The following CLEC16A variants were observed in gnomAD, a reference collection of about 807,000 sequenced individuals.
CLEC16A encodes the protein C-type lectin domain containing 16A.
Under a neutral mutation model 109.5 loss-of-function variants are expected in CLEC16A, and 51 were observed. The observed-to-expected ratio is 0.47, with a 90% CI of 0.37 to 0.59. The LOEUF is 0.59. Ranked by LOEUF, CLEC16A falls within the 20% of genes least tolerant of loss-of-function variation. The pLI, the probability that CLEC16A is intolerant of heterozygous loss-of-function variation, is 0.00. For missense variants in CLEC16A, 1,339 were observed against 1,394.0 expected (o/e 0.96, Z 0.63); for synonymous variants, 673 against 564.2 (o/e 1.19, Z -2.73).
Position 10,982,910 on chromosome 16 carries a change from G to T in CLEC16A, c.990G>T (p.Val330=). 10 of 1,611,536 alleles carry T rather than the reference G, an allele frequency of 6.2e-6. No homozygotes were observed. Among genetic ancestry groups the T allele is most frequent in the Non-Finnish European group, 8.5e-6 (10 of 1,177,720 alleles). The change falls in exon 10 of 24, where the codon GTG becomes GTT. Residue 330 remains valine (V), a synonymous_variant. Coordinates refer to ENST00000409790, the MANE Select transcript of CLEC16A (RefSeq NM_015226.3). ...TAATTATACATCATGCACCGCTGGT[G>T]AACTCGTTAGCTGAAGTCATTCTGA... ...VFLIIHHAPL[V]NSLAEVILNG...
intron 20 of CLEC16A, among the ~76,000 whole-genome samples, chr16:11,122,153 G>A (rs1195269696): frequency 6.6e-6 from 1 of 152,148 alleles, no homozygotes; most frequent in African/African-American, 2.4e-5. Context: ...AGCCTGACCT[G>A]CTGTCTGTGT....
At chr16:11,160,099 C>A (rs2054669221) in intron 22 of CLEC16A, among the ~76,000 whole-genome samples, 2 of 152,156 alleles carry the variant, frequency 1.3e-5, no homozygotes, top group Admixed American at 6.5e-5. Context: ...AGGTAGTTTT[C>A]ACATCTTCCA....
chr16:10,993,908 G>A (rs1341445340), intron 10 of CLEC16A, among the ~76,000 whole-genome samples: 2 of 152,220 alleles, frequency 1.3e-5, no homozygotes, highest in Non-Finnish European at 2.9e-5. Context: ...AAGGTGACCT[G>A]GGATGGGGAA....
Position 11,178,942 on chromosome 16 carries a change from G to T in CLEC16A, c.*252G>T, listed in dbSNP as rs1232371431. 4.7e-6 allele frequency: 2 copies of T among 429,808 alleles called. No homozygotes were observed. Among genetic ancestry groups the T allele is most frequent in the Non-Finnish European group, 8.2e-6 (2 of 243,952 alleles). 26.6% of individuals were successfully genotyped at this position (429,808 alleles called of 1,614,324 possible). ...CGCGGCGAATGCAGATGACTGCACC[G>T]GCCACTCAGGGAGCTGCCTGGGCTC... is the stretch of plus-strand genomic sequence containing the variant. On this transcript the variant is annotated 3_prime_UTR_variant, in exon 24 of 24. Coordinates refer to ENST00000409790, the MANE Select transcript of CLEC16A (RefSeq NM_015226.3). This position sits in a 1 kb window ranked among gnomAD's most constrained non-coding sequence, Gnocchi z 6.5.
At chr16:11,040,042 G>T in intron 14 of CLEC16A, 166 bp downstream of exon 14, 1 of 785,980 alleles carries the variant, frequency 1.3e-6, no homozygotes. Context: ...CAGCCCTCCT[G>T]CCTGCTGGGA....
At chr16:10,996,678 C>T (rs534754545) in intron 10 of CLEC16A, among the ~76,000 whole-genome samples, 4 of 152,148 alleles carry the variant, frequency 2.6e-5, no homozygotes, top group Admixed American at 6.5e-5. Context: ...TCTCTTCCAG[C>T]GTCTGCATGG....
Position 11,003,069 on chromosome 16 carries a change from C to T in CLEC16A, c.1072-5C>T, listed in dbSNP as rs199542538. 141 of 1,605,912 alleles carry T rather than the reference C, an allele frequency of 8.8e-5. 1 individual carries two copies. The South Asian group carries it at 1.4e-3, about 17-fold the overall frequency. On this transcript the variant is annotated splice_region_variant and splice_polypyrimidine_tract_variant and intron_variant, in intron 10 of 23. Coordinates refer to ENST00000409790, the MANE Select transcript of CLEC16A (RefSeq NM_015226.3). ...TCACCTGTTGCCTTCGTTGGACTTT[C>T]CTAGGCCAAGCCCAGCATTCGGTGC...
At chr16:11,147,735 AGACT>A (rs1439776424) in intron 22 of CLEC16A, among the ~76,000 whole-genome samples, 1 of 151,756 alleles carries the variant, frequency 6.6e-6, no homozygotes, top group African/African-American at 2.4e-5. Context: ...TCAACTTGTC[AGACT>A]GTCACAAAGC....
Position 10,969,327 on chromosome 16 carries a change from G to T in CLEC16A, c.492+18G>T. On this transcript the variant is annotated intron_variant, in intron 4 of 23. Coordinates refer to ENST00000409790, the MANE Select transcript of CLEC16A (RefSeq NM_015226.3). ...ATAATGAGGTAAGTAATTGCCAGAG[G>T]GGCACGTGTGGGTGTAAAGCCACAC... The T allele has an allele frequency of 6.4e-7, 1 of 1,573,834 alleles. No homozygotes were observed. The highest frequency in any genetic ancestry group is 1.2e-5 in the South Asian group (1 of 84,554).
At chr16:11,118,345 A>T (rs1264065387) in intron 19 of CLEC16A, among the ~76,000 whole-genome samples, 1 of 146,772 alleles carries the variant, frequency 6.8e-6, no homozygotes, top group South Asian at 2.3e-4. Context: ...TTCTCATTTA[A>T]CGCACCAAAC....
chr16:11,082,990 C>G (rs1247760913), intron 19 of CLEC16A, among the ~76,000 whole-genome samples: 1 of 152,146 alleles, frequency 6.6e-6, no homozygotes, highest in Non-Finnish European at 1.5e-5. Flanking sequence ...AGCCCCAGCC[C>G]CTGCAACAAC....
chr16:10,976,869 G>A (rs2043056364), intron 7 of CLEC16A, among the ~76,000 whole-genome samples: 2 of 152,214 alleles, frequency 1.3e-5, no homozygotes, highest in South Asian at 4.1e-4. Context: ...CTCCTCTGGA[G>A]CATTTTAATT....
intron 21 of CLEC16A, among the ~76,000 whole-genome samples, chr16:11,125,561 C>T (rs1158050922): frequency 2.6e-5 from 4 of 152,218 alleles, no homozygotes; most frequent in African/African-American, 4.8e-5. Context: ...TGCTCCTGCA[C>T]ATGTGCGGAT....
In CLEC16A at chr16:11,178,355, C is replaced by G. The variant is rs1225563177; in HGVS notation, c.2827C>G (p.Leu943Val). 2 of 1,612,012 alleles carry G rather than the reference C, an allele frequency of 1.2e-6. No homozygotes were observed. The highest frequency in any genetic ancestry group is 1.7e-6 in the Non-Finnish European group (2 of 1,178,528). Residue 943 changes from leucine to valine, a missense_variant, in exon 24 of 24, where the codon CTG becomes GTG. This residue lies in a region of CLEC16A where 1,061 missense variants were observed against 1,006.8 expected (regional missense o/e 1.05). Transcript: ENST00000409790. The surrounding 1 kb of genome is among the most constrained non-coding windows in gnomAD (Gnocchi z 6.5). ...SPADAPMSPELPKPHLPDQLV... is the reference protein window; with the variant it reads ...SPADAPMSPEVPKPHLPDQLV... ...TCCAGATGCCCCCATGAGTCCAGAA[C>G]TGCCTAAGCCTCACCTTCCTGACCA...
chr16:11,091,663 T>G (rs2050312833), intron 19 of CLEC16A, among the ~76,000 whole-genome samples: 1 of 152,178 alleles, frequency 6.6e-6, no homozygotes, highest in Non-Finnish European at 1.5e-5. Context: ...AGCACATGGC[T>G]TAACCTGAGC....
rs550365649 is a variant in CLEC16A at position 11,167,311 on chromosome 16, G to A, written c.2806+759G>A. Among the ~76,000 whole-genome samples the A allele has an allele frequency of 1.3e-4, 20 of 152,256 alleles. No homozygotes were observed. The East Asian group carries it at 3.3e-3, about 25-fold the overall frequency. The stretch of plus-strand genomic sequence containing the variant: ...TTCTGTGCCCCAGCAGCATCCCCCC[G>A]CCATGGGTCGGGGGGTCACACCAAC... On this transcript the variant is annotated intron_variant, in intron 23 of 23. Transcript: ENST00000409790.
At chr16:11,173,214 C>G (rs1282117319) in intron 23 of CLEC16A, among the ~76,000 whole-genome samples, 1 of 152,190 alleles carries the variant, frequency 6.6e-6, no homozygotes, top group Admixed American at 6.5e-5. Context: ...TCTCAGTTTT[C>G]TCTGTGGCAT....
At chr16:11,075,418 GTGTGTGTGTA>G (rs1567282580) in intron 19 of CLEC16A, among the ~76,000 whole-genome samples, 30 of 146,602 alleles carry the variant, frequency 2.0e-4, no homozygotes, top group East Asian at 2.0e-3. Flanking sequence ...GTGTCTGTGT[GTGTGTGTGTA>G]TGTGTGTGTG....
chr16:10,969,872 A>C (rs1217614476), intron 4 of CLEC16A, among the ~76,000 whole-genome samples: 1 of 152,204 alleles, frequency 6.6e-6, no homozygotes, highest in Non-Finnish European at 1.5e-5. Context: ...ATAAGAATAT[A>C]CATCTTGTAG....
Sources: allele counts gnomAD v4.1 joint callset (sites outside exome capture counted in the v4.1 genomes callset), GRCh38; gene constraint gnomAD v4.1.1; regional missense constraint gnomAD v4.1.1; non-coding constraint Gnocchi (gnomAD v3.1); transcripts MANE v1.5; gene names NCBI Gene and HGNC (gene_info 2026-07-23, HGNC 2026-07-21).